Variants in SLC2A14 observed in about 807,000 individuals in gnomAD.
SLC2A14 encodes the protein solute carrier family 2 member 14.
SLC2A14 carries 13 observed loss-of-function variants against 43.0 expected under a neutral mutation model. The ratio of observed to expected loss-of-function variants is 0.30; its 90% CI spans 0.20 to 0.48. The LOEUF (loss-of-function observed/expected upper bound fraction) is 0.48, where lower values mean the gene tolerates loss of function less well. Ranked by LOEUF, SLC2A14 falls within the 20% of genes least tolerant of loss-of-function variation. The pLI is 0.99. For missense variants in SLC2A14, 428 were observed against 620.4 expected, an observed-to-expected ratio of 0.69 and a Z score of 3.29; for synonymous variants, 190 against 233.8, an observed-to-expected ratio of 0.81 and a Z score of 1.71.
intron 2 of SLC2A14, among the ~76,000 whole-genome samples, chr12:7,845,097 T>A (rs950526370): frequency 2.0e-5 from 3 of 152,154 alleles, no homozygotes; most frequent in Admixed American, 6.6e-5. Flanking sequence ...CACGTTCATT[T>A]TTCCTTATAC....
In SLC2A14 at chr12:7,851,455, T is replaced by G. The variant is rs138956385; in HGVS notation, c.18+18408A>C. On this transcript the variant is annotated intron_variant, in intron 2 of 10. Coordinates refer to ENST00000431042, the MANE Select transcript of SLC2A14 (RefSeq NM_001286234.2). ...CTGCCAAGTTTTTGGAGCCTTTCCC[T>G]GGTTCATGTTTGGGTCTGGAACATA... is the stretch of plus-strand genomic sequence containing the variant. 6.0e-3 allele frequency among the ~76,000 whole-genome samples: 914 copies of G among 152,290 alleles called. 8 individuals are homozygous for G. Among genetic ancestry groups the G allele is most frequent in the Non-Finnish European group, 0.011 (748 of 68,018 alleles).
At chr12:7,833,095 A>G (rs1415187631) in intron 2 of SLC2A14, among the ~76,000 whole-genome samples, 1 of 152,214 alleles carries the variant, frequency 6.6e-6, no homozygotes, top group Non-Finnish European at 1.5e-5. Context: ...CAGTTTGGAA[A>G]TATTTAAAAA....
At chr12:7,850,797 G>C (rs1216190109) in intron 2 of SLC2A14, 1 of 152,212 alleles carries the variant, frequency 6.6e-6, no homozygotes, top group Admixed American at 6.5e-5. Flanking sequence ...TGGTTGTAAG[G>C]ACCACTGCAT....
chr12:7,877,419 T>C (rs1412959930), upstream of SLC2A14, among the ~76,000 whole-genome samples: 1 of 151,502 alleles, frequency 6.6e-6, no homozygotes, highest in African/African-American at 2.4e-5. Context: ...GGAGAGAGAG[T>C]ACAAAATTTT....
intron 2 of SLC2A14, among the ~76,000 whole-genome samples, chr12:7,845,585 C>T (rs745667447): frequency 3.9e-4 from 59 of 149,758 alleles, no homozygotes; most frequent in African/African-American, 1.3e-3. Flanking sequence ...TGAGACCATC[C>T]TGCCTAACAT....
At chr12:7,821,025 T>G (rs1237372746) in intron 8 of SLC2A14, among the ~76,000 whole-genome samples, 196 bp downstream of exon 8, 1 of 152,046 alleles carries the variant, frequency 6.6e-6, no homozygotes, top group Admixed American at 6.6e-5. Context: ...AGGCTGAGGT[T>G]GCAGTGAGCC....
At chr12:7,845,410 A>T (rs1454038470) in intron 2 of SLC2A14, among the ~76,000 whole-genome samples, 1 of 152,150 alleles carries the variant, frequency 6.6e-6, no homozygotes, top group Non-Finnish European at 1.5e-5. Flanking sequence ...TGACTTCGGA[A>T]ATCATCTAGA....
intron 2 of SLC2A14, chr12:7,839,637 T>C: frequency 3.6e-6 from 1 of 280,986 alleles, no homozygotes; most frequent in Non-Finnish European, 7.1e-6. Flanking sequence ...TGAAGGAGGG[T>C]GCTGTGGTTT....
At chr12:7,837,494 C>T (rs368850943) in intron 2 of SLC2A14, among the ~76,000 whole-genome samples, 2 of 152,098 alleles carry the variant, frequency 1.3e-5, no homozygotes, top group East Asian at 3.9e-4. Context: ...ACAAAACTAG[C>T]CAGCCATAGT....
chr12:7,842,486 T>C (rs1198140141), intron 2 of SLC2A14, among the ~76,000 whole-genome samples: 7 of 152,336 alleles, frequency 4.6e-5, no homozygotes, highest in Admixed American at 2.0e-4. Flanking sequence ...ACTTCTTCTA[T>C]ACAAGTGCCA....
intron 2 of SLC2A14, among the ~76,000 whole-genome samples, chr12:7,834,871 A>G (rs764113475): frequency 6.6e-6 from 1 of 152,264 alleles, no homozygotes; most frequent in South Asian, 2.1e-4. Flanking sequence ...CACCCTGGCC[A>G]CTAGAGAAGA....
At chr12:7,830,677 A>G (rs1864946633) in intron 4 of SLC2A14, among the ~76,000 whole-genome samples, 1 of 152,108 alleles carries the variant, frequency 6.6e-6, no homozygotes, top group Non-Finnish European at 1.5e-5. Context: ...ATTAGCAAGT[A>G]AAATAGGTTG....
intron 5 of SLC2A14, among the ~76,000 whole-genome samples, chr12:7,829,372 C>T (rs1437621523): frequency 6.6e-6 from 1 of 151,882 alleles, no homozygotes; most frequent in Non-Finnish European, 1.5e-5. Flanking sequence ...AAAGCCTGGC[C>T]AACATGGTGA....
chr12:7,862,674 C>T (rs1212922501), intron 2 of SLC2A14, among the ~76,000 whole-genome samples: 1 of 152,110 alleles, frequency 6.6e-6, no homozygotes, highest in Non-Finnish European at 1.5e-5. Context: ...CTTGGAGAAC[C>T]TTTATGTCTA....
intron 2 of SLC2A14, among the ~76,000 whole-genome samples, chr12:7,848,791 G>C: frequency 6.6e-6 from 1 of 151,770 alleles, no homozygotes; most frequent in East Asian, 1.9e-4. Flanking sequence ...CCTGACCTCA[G>C]GTGATCCACC....
At chr12:7,879,136 A>G in intron 1 of SLC2A14, among the ~76,000 whole-genome samples, 1 of 151,748 alleles carries the variant, frequency 6.6e-6, no homozygotes, top group Non-Finnish European at 1.5e-5. Context: ...CTTACATAGG[A>G]AAACTTCTTC....
intron 5 of SLC2A14, among the ~76,000 whole-genome samples, 164 bp from the exon 6 acceptor site, chr12:7,829,030 T>C (rs4402376): frequency 0.57 from 86,778 of 151,714 alleles, 27,351 homozygotes; most frequent in Non-Finnish European, 0.71. Flanking sequence ...CTGGCCAAGA[T>C]GGTGAAACCC....
In SLC2A14 at chr12:7,832,731, A is replaced by G. The variant is rs752429588; in HGVS notation, c.102T>C (p.Ala34=). The G allele has an allele frequency of 6.2e-6, 10 of 1,613,890 alleles. No individual in the cohort carries two copies. Among genetic ancestry groups the G allele is most frequent in the South Asian group, 1.1e-5 (1 of 91,082 alleles). The change falls in exon 3 of 11, where the codon GCT becomes GCC. Residue 34 remains alanine (A), a synonymous_variant. Transcript: ENST00000431042. Reference sequence around the variant, plus strand: ...GTGGCCTGGCACTCACCGTCTCAGGAGCATTGATGACCCCAGTGTTGTAGC... The same window carrying G: ...GTGGCCTGGCACTCACCGTCTCAGGGGCATTGATGACCCCAGTGTTGTAGC... ...QFGYNTGVIN[A]PETIIKEFIN... is the part of the protein sequence containing the mutation.
intron 7 of SLC2A14, among the ~76,000 whole-genome samples, chr12:7,823,549 C>T (rs1323335687): frequency 6.6e-6 from 1 of 151,780 alleles, no homozygotes; most frequent in East Asian, 1.9e-4. Flanking sequence ...GGAGAAACCC[C>T]GTCTCTATTA....
Sources: gnomAD v4.1 joint callset for allele counts (sites outside exome capture counted in the v4.1 genomes callset) on GRCh38, gnomAD v4.1.1 for gene constraint, MANE v1.5 for transcripts, NCBI Gene and HGNC (gene_info 2026-07-23, HGNC 2026-07-21) for gene names.